Variants in SEMA3A observed in about 807,000 individuals in gnomAD.
SEMA3A encodes the protein semaphorin 3A, also known as semaphorin-3A.
A neutral mutation model predicts 97.9 loss-of-function variants in SEMA3A; 29 were observed. That is an observed-to-expected ratio of 0.30 (90% CI 0.22 to 0.40). SEMA3A has a LOEUF of 0.40. Ranked by LOEUF, SEMA3A falls within the 10% of genes least tolerant of loss-of-function variation. The pLI, the probability that SEMA3A is intolerant of heterozygous loss-of-function variation, is 1.00. For synonymous variants in SEMA3A, 321 were observed against 323.7 expected, an observed-to-expected ratio of 0.99 and a Z score of 0.09; for missense variants, 763 against 951.3, an observed-to-expected ratio of 0.80 and a Z score of 2.60.
At chr7:84,071,359 G>A (rs575420366) in intron 4 of SEMA3A, among the ~76,000 whole-genome samples, 1 of 152,070 alleles carries the variant, frequency 6.6e-6, no homozygotes, top group Non-Finnish European at 1.5e-5. Flanking sequence ...TTTGACATGA[G>A]ATCACAATCA....
chr7:84,433,849 T>C (rs774082693), intron 1 of SEMA3A, among the ~76,000 whole-genome samples: 4 of 152,226 alleles, frequency 2.6e-5, no homozygotes, highest in Non-Finnish European at 4.4e-5. Flanking sequence ...CTTTCTTTCA[T>C]GTTTGTTGGC....
At chr7:84,368,325 C>T (rs912146303) in intron 2 of SEMA3A, among the ~76,000 whole-genome samples, 4 of 150,840 alleles carry the variant, frequency 2.7e-5, no homozygotes, top group Admixed American at 6.6e-5. Context: ...GAAAGTGACC[C>T]GCATGTCACA....
At chr7:84,257,024 G>A (rs917024206) in intron 3 of SEMA3A, among the ~76,000 whole-genome samples, 4 of 151,832 alleles carry the variant, frequency 2.6e-5, no homozygotes, top group African/African-American at 9.7e-5. Context: ...AGACAGCTTC[G>A]ATGGTTGAAA....
chr7:84,437,070 A>T (rs1485237436), intron 1 of SEMA3A, among the ~76,000 whole-genome samples: 1 of 152,084 alleles, frequency 6.6e-6, no homozygotes, highest in Non-Finnish European at 1.5e-5. Context: ...TCTCAACTGT[A>T]TGTATTTTTG....
intron 2 of SEMA3A, among the ~76,000 whole-genome samples, chr7:84,367,332 G>A (rs192277125): frequency 9.6e-4 from 145 of 151,418 alleles, no homozygotes; most frequent in Middle Eastern, 3.4e-3. Flanking sequence ...TGCCTTAAAA[G>A]GAAGTATTAT....
At chr7:84,364,704 T>A (rs1399838651) in intron 2 of SEMA3A, among the ~76,000 whole-genome samples, 3 of 151,798 alleles carry the variant, frequency 2.0e-5, no homozygotes, top group Non-Finnish European at 3.0e-5. Flanking sequence ...AGAGGCAAAA[T>A]TTATTTTATA....
intron 1 of SEMA3A, among the ~76,000 whole-genome samples, chr7:84,402,597 T>C (rs868310731): frequency 2.6e-5 from 4 of 152,130 alleles, no homozygotes; most frequent in Non-Finnish European, 5.9e-5. Flanking sequence ...GACCTAAGTG[T>C]CCATCAATGG....
chr7:84,169,440 C>T (rs1171691355), intron 1 of SEMA3A, among the ~76,000 whole-genome samples: 1 of 150,068 alleles, frequency 6.7e-6, no homozygotes, highest in Non-Finnish European at 1.5e-5. Flanking sequence ...ATGCTCTTCA[C>T]TATAAGTTTT....
intron 1 of SEMA3A, among the ~76,000 whole-genome samples, chr7:84,447,909 C>A (rs1205494750): frequency 6.6e-6 from 1 of 152,228 alleles, no homozygotes; most frequent in Non-Finnish European, 1.5e-5. Context: ...CCGCATTCCG[C>A]TAGCTCAGAC....
At chr7:84,198,923 A>G (rs1047253355), upstream of SEMA3A, among the ~76,000 whole-genome samples, 1 of 152,234 alleles carries the variant, frequency 6.6e-6, no homozygotes, top group African/African-American at 2.4e-5. Context: ...AGACCTCTGT[A>G]GTCATAGAAG....
chr7:84,278,822 A>G (rs1800371984), intron 3 of SEMA3A, among the ~76,000 whole-genome samples: 1 of 152,072 alleles, frequency 6.6e-6, no homozygotes, highest in Middle Eastern at 3.2e-3. Context: ...CAATCACCTC[A>G]CACCAAACAT....
At chr7:83,982,589 C>T (rs890199711) in intron 13 of SEMA3A, among the ~76,000 whole-genome samples, 2 of 152,084 alleles carry the variant, frequency 1.3e-5, no homozygotes, top group African/African-American at 4.8e-5. Context: ...TACATAAATA[C>T]TGAAACATGT....
At chr7:84,168,854 T>G (rs1446812198) in intron 1 of SEMA3A, among the ~76,000 whole-genome samples, 1 of 151,856 alleles carries the variant, frequency 6.6e-6, no homozygotes. Context: ...CTTCAGTATC[T>G]AAATTTATCA....
At chr7:84,424,615 A>ATATAATATATAAATAT (rs1562942723) in intron 1 of SEMA3A, among the ~76,000 whole-genome samples, 2 of 45,766 alleles carry the variant, frequency 4.4e-5, no homozygotes, top group African/African-American at 1.5e-4. Context: ...AATATATAAT[A>ATATAATATATAAATAT]TAATATATAA....
intron 3 of SEMA3A, among the ~76,000 whole-genome samples, chr7:84,114,765 TTTAGTC>T (rs1795376429): frequency 1.3e-5 from 2 of 152,092 alleles, no homozygotes; most frequent in Admixed American, 1.3e-4. Flanking sequence ...GGCAATAATG[TTTAGTC>T]TTTTTTTTTC....
intron 1 of SEMA3A, among the ~76,000 whole-genome samples, chr7:84,450,361 C>A (rs1395644048): frequency 6.6e-6 from 1 of 152,114 alleles, no homozygotes; most frequent in Non-Finnish European, 1.5e-5. Flanking sequence ...ACCAAGAATG[C>A]CACATTCTGA....
chr7:84,133,640 AATT>A (rs1280401059), intron 2 of SEMA3A, among the ~76,000 whole-genome samples: 1 of 152,170 alleles, frequency 6.6e-6, no homozygotes, highest in Admixed American at 6.5e-5. Context: ...TTCTTCAGAT[AATT>A]ATTATCAGAA....
At chr7:84,340,942 T>C (rs1302004739) in intron 2 of SEMA3A, among the ~76,000 whole-genome samples, 1 of 152,128 alleles carries the variant, frequency 6.6e-6, no homozygotes, top group Non-Finnish European at 1.5e-5. Context: ...AATATAATGA[T>C]GCATAAAAAC....
chr7:84,490,797 C>T (rs1806704295), intron 1 of SEMA3A, among the ~76,000 whole-genome samples: 1 of 152,082 alleles, frequency 6.6e-6, no homozygotes, highest in African/African-American at 2.4e-5. Flanking sequence ...CAGTGCTGAC[C>T]TTTTCATTAA....
Sources: allele counts gnomAD v4.1 joint callset (sites outside exome capture counted in the v4.1 genomes callset), GRCh38; gene constraint gnomAD v4.1.1; transcripts MANE v1.5; gene names NCBI Gene and HGNC (gene_info 2026-07-23, HGNC 2026-07-21).